The following ACTB variants were observed in gnomAD, a reference collection of about 807,000 sequenced individuals.
ACTB encodes the protein actin, cytoplasmic 1.
Under a neutral mutation model 30.5 loss-of-function variants are expected in ACTB, and 2 were observed. That is an observed-to-expected ratio of 0.07 (90% CI 0.03 to 0.21). The LOEUF (loss-of-function observed/expected upper bound fraction) is 0.21, where lower values mean the gene tolerates loss of function less well. Ranked by LOEUF, ACTB falls within the 10% of genes least tolerant of loss-of-function variation. ACTB has a pLI of 1.00. For synonymous variants in ACTB, 335 were observed against 217.6 expected (o/e 1.54, Z -4.75); for missense variants, 56 against 530.0 (o/e 0.11, Z 8.78).
Position 5,530,508 on chromosome 7 carries a change from G to A in ACTB, c.-7+16C>T, listed in dbSNP as rs1489812701. On this transcript the variant is annotated intron_variant, in intron 1 of 5. Transcript: ENST00000646664. ...GGGCCGTGAGCCGCCTGCCCCGGTC[G>A]GCTGGCCGGGCTTACCTGGCGGCGG... 1 of 151,798 alleles carries A rather than the reference G, an allele frequency of 6.6e-6. No homozygotes were observed. The highest frequency in any genetic ancestry group is 1.9e-4 in the East Asian group (1 of 5,130). 9.4% of individuals were successfully genotyped at this position (151,798 alleles called of 1,614,324 possible). A position where few individuals can be genotyped will look rare whatever the true frequency, so the allele number is the denominator to read the frequency against.
Position 5,529,742 on chromosome 7 carries a change from G to C in ACTB, c.-6-79C>G. 2.5e-6 allele frequency: 4 copies of C among 1,596,398 alleles called. No individual in the cohort carries two copies. The South Asian group carries it at 4.4e-5, about 18-fold the overall frequency. On this transcript the variant is annotated intron_variant, in intron 1 of 5. Coordinates refer to ENST00000646664, the MANE Select transcript of ACTB (RefSeq NM_001101.5). ...TTCCGGCGCGCCGAGTCCTTAGGCC[G>C]CCAGGGGGCGCCGGCGCGCGCCCAG...
chr7:5,530,282 G>C (rs1010803453), intron 1 of ACTB, among the ~76,000 whole-genome samples: 1 of 151,894 alleles, frequency 6.6e-6, no homozygotes, highest in African/African-American at 2.4e-5. Flanking sequence ...GGTTGCCCCC[G>C]CCCCGAGAGC....
intron 1 of ACTB, chr7:5,530,116 A>C: frequency 6.6e-6 from 1 of 152,498 alleles, no homozygotes; most frequent in East Asian, 1.9e-4. Context: ...CGCACGCGCA[A>C]TTAGCGCCAA....
intron 3 of ACTB, 112 bp from the exon 4 acceptor site, chr7:5,528,831 G>T: frequency 6.9e-7 from 1 of 1,453,068 alleles, no homozygotes; most frequent in South Asian, 1.1e-5. Context: ...CTGGGGTCTT[G>T]GGATGGGGAG....
rs750509858 is a variant in ACTB, at chr7:5,529,408, G to A, written c.124-8C>T. On this transcript the variant is annotated splice_region_variant and splice_polypyrimidine_tract_variant and intron_variant, in intron 2 of 5. Transcript: ENST00000646664. The stretch of plus-strand genomic sequence containing the variant: ...CATGCCCACCATCACGCCCTGGGAA[G>A]GAAAGGACAAGAAGCCCTGAGCACG... 20 of 1,613,916 alleles carry A rather than the reference G, an allele frequency of 1.2e-5. No individual in the cohort carries two copies. Among genetic ancestry groups the A allele is most frequent in the Non-Finnish European group, 1.7e-5 (20 of 1,179,952 alleles).
intron 3 of ACTB, 49 bp from the exon 4 acceptor site, chr7:5,528,768 A>C: frequency 6.3e-7 from 1 of 1,596,318 alleles, no homozygotes; most frequent in South Asian, 1.1e-5. Flanking sequence ...CACTGGGGAC[A>C]GCCAGGCCAG....
At position 5,528,474 on chromosome 7, in the gene ACTB, C is replaced by G. The variant is rs148292298; in HGVS notation, c.609G>C (p.Thr203=). ...TGTCACGCACGATTTCCCGCTCGGC[C>G]GTGGTGGTGAAGCTGTAGCCGCGCT... The part of the protein sequence containing the change: ...LTERGYSFTT[T]AEREIVRDIK... The change falls in exon 4 of 6, where the codon ACG becomes ACC. Residue 203 remains threonine, a synonymous_variant. Transcript: ENST00000646664. 352 of 1,614,074 alleles carry G rather than the reference C, an allele frequency of 2.2e-4. 1 individual carries two copies. The African/African-American group carries it at 4.5e-3, about 20-fold the overall frequency.
In ACTB at chr7:5,528,651, G is replaced by A. The variant is rs1254718824; in HGVS notation, c.432C>T (p.Ala144=). 7 of 1,614,014 alleles carry A rather than the reference G, an allele frequency of 4.3e-6. No homozygotes were observed. The highest frequency in any genetic ancestry group is 1.1e-5 in the South Asian group (1 of 91,086). Residue 144 remains alanine, a synonymous_variant, in exon 4 of 6, where the codon GCC becomes GCT. Coordinates refer to ENST00000646664, the MANE Select transcript of ACTB (RefSeq NM_001101.5). ...VAIQAVLSLY[A]SGRTTGIVMD... ...TCACGATGCCAGTGGTACGGCCAGA[G>A]GCGTACAGGGATAGCACAGCCTGGA... is the stretch of plus-strand genomic sequence containing the variant.
rs1784805947 is a variant in ACTB at position 5,528,198 on chromosome 7, T to C, written c.803-13A>G. On this transcript the variant is annotated splice_polypyrimidine_tract_variant and intron_variant, in intron 4 of 5. Transcript: ENST00000646664. ...CAGGACTCCATGCCTGAGAGGGAAA[T>C]GAGGGCAGGACTTAGCTTCCACAGC... 1.9e-6 allele frequency: 3 copies of C among 1,613,676 alleles called. No individual in the cohort carries two copies. Among genetic ancestry groups the C allele is most frequent in the African/African-American group, 1.3e-5 (1 of 74,890 alleles).
chr7:5,527,613 T>C lies in ACTB; in HGVS notation c.*135A>G, dbSNP rs1784791867. Reference sequence around the variant, plus strand: ...CTTCACCGTTCCAGTTTTTAAATCCTGAGTCAAGCCAAAAAAAAAAAAAAA... The same window carrying C: ...CTTCACCGTTCCAGTTTTTAAATCCCGAGTCAAGCCAAAAAAAAAAAAAAA... On this transcript the variant is annotated 3_prime_UTR_variant, in exon 6 of 6. Coordinates refer to ENST00000646664, the MANE Select transcript of ACTB (RefSeq NM_001101.5). 11 of 1,401,292 alleles carry C rather than the reference T, an allele frequency of 7.8e-6. No homozygotes were observed. The highest frequency in any genetic ancestry group is 7.6e-5 in the South Asian group (6 of 79,354). The allele number at this position is 1,401,292 out of a possible 1,614,324, so 86.8% of individuals were successfully genotyped here.
Position 5,527,336 on chromosome 7 carries a change from C to T in ACTB, c.*412G>A, listed in dbSNP as rs544796945. On this transcript the variant is annotated 3_prime_UTR_variant, in exon 6 of 6. Transcript: ENST00000646664. The stretch of plus-strand genomic sequence containing the variant: ...AAAACAAAATAAAAAAGTATTAAGG[C>T]GAAGATTAAAAAAATTTTGCATTAC... The T allele has an allele frequency of 4.9e-5, 13 of 264,814 alleles. No individual in the cohort carries two copies. The highest frequency in any genetic ancestry group is 3.3e-4 in the East Asian group (3 of 9,078). 16.4% of individuals were successfully genotyped at this position (264,814 alleles called of 1,614,324 possible). A position where few individuals can be genotyped will look rare whatever the true frequency, so the allele number is the denominator to read the frequency against.
chr7:5,528,888 G>C (rs13447401), intron 3 of ACTB, 169 bp from the exon 4 acceptor site: 10 of 1,409,734 alleles, frequency 7.1e-6, no homozygotes, highest in Non-Finnish European at 2.0e-6. Context: ...CTCCAAGGCC[G>C]CTTTACACCA....
chr7:5,529,795 C>A (rs1321256017), intron 1 of ACTB, 132 bp from the exon 2 acceptor site: 5 of 1,429,864 alleles, frequency 3.5e-6, no homozygotes, highest in East Asian at 2.4e-5. Flanking sequence ...CCGGGCCGGC[C>A]GCGTTATTAC....
At position 5,529,604 on chromosome 7, in the gene ACTB, C is replaced by T. The variant is rs1302543617; in HGVS notation, c.54G>A (p.Lys18=). The T allele has an allele frequency of 6.2e-7, 1 of 1,611,548 alleles. No individual in the cohort carries two copies. Among genetic ancestry groups the T allele is most frequent in the Non-Finnish European group, 8.5e-7 (1 of 1,179,752 alleles). ...LVVDNGSGMC[K]AGFAGDDAPR... ...GGGCATCGTCGCCCGCGAAGCCGGC[C>T]TTGCACATGCCGGAGCCGTTGTCGA... Residue 18 remains lysine, a synonymous_variant, in exon 2 of 6, where the codon AAG becomes AAA. Coordinates refer to ENST00000646664, the MANE Select transcript of ACTB (RefSeq NM_001101.5).
In ACTB at chr7:5,527,655, A is replaced by C. The variant is rs917362860; in HGVS notation, c.*93T>G. On this transcript the variant is annotated 3_prime_UTR_variant, in exon 6 of 6. Transcript: ENST00000646664. ...AAAAAAAAAACCAAAACAAAACAAAAAAAACAAATAAAGCCATGCCAATCT... is the reference window on the plus strand; with the variant it reads ...AAAAAAAAAACCAAAACAAAACAAACAAAACAAATAAAGCCATGCCAATCT... The C allele has an allele frequency of 3.2e-6, 5 of 1,578,544 alleles. No individual in the cohort carries two copies. In the African/African-American group the frequency reaches 5.5e-5, roughly 17 times the overall value.
rs552927665 is a variant in ACTB at position 5,528,501 on chromosome 7, G to A, written c.582C>T (p.Thr194=). The change falls in exon 4 of 6, where the codon ACC becomes ACT. Residue 194 remains threonine, a synonymous_variant. Transcript: ENST00000646664. ...TGGTGGTGAAGCTGTAGCCGCGCTC[G>A]GTGAGGATCTTCATGAGGTAGTCAG... ...DLTDYLMKIL[T]ERGYSFTTTA... is the part of the protein sequence containing the mutation. 196 of 1,613,960 alleles carry A rather than the reference G, an allele frequency of 1.2e-4. No homozygotes were observed. The highest frequency in any genetic ancestry group is 1.6e-4 in the Middle Eastern group (1 of 6,084).
intron 3 of ACTB, 182 bp from the exon 4 acceptor site, chr7:5,528,901 C>T: frequency 2.8e-6 from 4 of 1,439,186 alleles, no homozygotes; most frequent in Non-Finnish European, 2.9e-6. Context: ...TTACACCAGC[C>T]TCATGGCCTT....
At chr7:5,528,245 C>A in intron 4 of ACTB, 36 bp downstream of exon 4, 1 of 1,613,784 alleles carries the variant, frequency 6.2e-7, no homozygotes, top group Non-Finnish European at 8.5e-7. Flanking sequence ...GGGTAACCCT[C>A]ATGTCAGGCA....
rs760332854 is a variant in ACTB, at chr7:5,529,149, C to A, written c.363+12G>T. The A allele has an allele frequency of 6.8e-6, 11 of 1,613,812 alleles. No homozygotes were observed. In the African/African-American group the frequency reaches 8.0e-5, roughly 12 times the overall value. ...GGGAGGCGGCCACCAGAAGAGGTAGCGGGCCACTCACCTGGGTCATCTTCT... is the reference window on the plus strand; with the variant it reads ...GGGAGGCGGCCACCAGAAGAGGTAGAGGGCCACTCACCTGGGTCATCTTCT... On this transcript the variant is annotated intron_variant, in intron 3 of 5. Transcript: ENST00000646664.
Sources: gnomAD v4.1 joint callset for allele counts (sites outside exome capture counted in the v4.1 genomes callset) on GRCh38, gnomAD v4.1.1 for gene constraint, MANE v1.5 for transcripts, NCBI Gene and HGNC (gene_info 2026-07-23, HGNC 2026-07-21) for gene names.